ANO3: variants seen among roughly 807,000 people sequenced by gnomAD.
The protein encoded by ANO3 is anoctamin 3.
ANO3 carries 99 observed loss-of-function variants against 144.8 expected under a neutral mutation model. The ratio of observed to expected loss-of-function variants is 0.68; its 90% CI spans 0.58 to 0.81. The LOEUF is 0.81. Ranked by LOEUF, ANO3 falls within the 30% of genes least tolerant of loss-of-function variation. The probability of loss-of-function intolerance (pLI) is 0.00; values close to 1 mark genes in which losing one functional copy is unlikely to be tolerated. For missense variants in ANO3, 905 were observed against 1,202.2 expected, an observed-to-expected ratio of 0.75 and a Z score of 3.66; for synonymous variants, 414 against 392.6, an observed-to-expected ratio of 1.05 and a Z score of -0.64.
At chr11:26,595,506 G>A (rs559932912) in intron 14 of ANO3, among the ~76,000 whole-genome samples, 6 of 114,566 alleles carry the variant, frequency 5.2e-5, no homozygotes, top group Admixed American at 1.1e-4. Flanking sequence ...AGTACTTTAA[G>A]GCTTGGCTGA....
At chr11:26,249,697 A>G (rs1852882678) in intron 1 of ANO3, among the ~76,000 whole-genome samples, 1 of 152,120 alleles carries the variant, frequency 6.6e-6, no homozygotes, top group South Asian at 2.1e-4. Context: ...ATTAACATTA[A>G]ATAATCTTAA....
At chr11:26,495,127 C>T (rs1287836399) in intron 4 of ANO3, among the ~76,000 whole-genome samples, 1 of 138,552 alleles carries the variant, frequency 7.2e-6, no homozygotes, top group Non-Finnish European at 1.6e-5. Flanking sequence ...TTATTTGAGA[C>T]AGGGTCTTGC....
At chr11:26,353,255 G>A (rs753045201) in intron 1 of ANO3, among the ~76,000 whole-genome samples, 2 of 152,150 alleles carry the variant, frequency 1.3e-5, no homozygotes, top group Non-Finnish European at 2.9e-5. Context: ...TTGGTATGTT[G>A]ATGAGTGTAT....
intron 25 of ANO3, 45 bp from the exon 26 acceptor site, chr11:26,656,331 T>C (rs769698752): frequency 6.7e-7 from 1 of 1,499,522 alleles, no homozygotes; most frequent in South Asian, 1.1e-5. Context: ...GGGCCTCCAC[T>C]CTTTGATCTC....
chr11:26,508,538 A>G (rs1861524954), intron 5 of ANO3: 1 of 370,476 alleles, frequency 2.7e-6, no homozygotes, highest in Non-Finnish European at 4.8e-6. Context: ...GTCAAGTAGA[A>G]AACTTTATGA....
intron 8 of ANO3, among the ~76,000 whole-genome samples, chr11:26,531,943 A>G (rs1849382168): frequency 6.6e-6 from 1 of 152,220 alleles, no homozygotes; most frequent in Non-Finnish European, 1.5e-5. Context: ...CACAGTTTCT[A>G]TCTTCAAGGT....
chr11:26,551,667 C>G (rs1027401305), intron 12 of ANO3, among the ~76,000 whole-genome samples: 2 of 151,822 alleles, frequency 1.3e-5, no homozygotes, highest in Admixed American at 6.6e-5. Flanking sequence ...GATTCTAAAG[C>G]AGGACAAATT....
intron 1 of ANO3, among the ~76,000 whole-genome samples, chr11:26,278,745 C>T (rs988985291): frequency 3.3e-5 from 5 of 152,114 alleles, no homozygotes; most frequent in African/African-American, 1.2e-4. Flanking sequence ...TGTCTTTCCT[C>T]TATCACCTTC....
intron 14 of ANO3, among the ~76,000 whole-genome samples, chr11:26,594,141 T>C (rs572773878): frequency 2.7e-4 from 41 of 152,330 alleles, no homozygotes; most frequent in Middle Eastern, 3.4e-3. Flanking sequence ...GTGGACATCA[T>C]TGAATAATTC....
chr11:26,306,767 C>T (rs1306413365), upstream of ANO3, among the ~76,000 whole-genome samples: 8 of 152,230 alleles, frequency 5.3e-5, no homozygotes, highest in East Asian at 3.9e-4. Context: ...TTCTTCCCTG[C>T]ATTCCTAACT....
intron 1 of ANO3, among the ~76,000 whole-genome samples, chr11:26,432,836 A>T (rs1215821033): frequency 6.6e-6 from 1 of 152,180 alleles, no homozygotes; most frequent in East Asian, 1.9e-4. Flanking sequence ...GGGTAACATG[A>T]TGCCTCGAGG....
chr11:26,356,117 TTG>T (rs1410612281), intron 1 of ANO3, among the ~76,000 whole-genome samples: 1 of 152,172 alleles, frequency 6.6e-6, no homozygotes, highest in Non-Finnish European at 1.5e-5. Context: ...TTTCACCTAT[TTG>T]TCTTTTTTCT....
At chr11:26,527,629 T>C (rs946347346) in intron 7 of ANO3, among the ~76,000 whole-genome samples, 5 of 152,160 alleles carry the variant, frequency 3.3e-5, no homozygotes, top group African/African-American at 4.8e-5. Context: ...GGGAAAGGTA[T>C]TTTCCTCACA....
At chr11:26,482,107 A>G (rs1454759593) in intron 4 of ANO3, among the ~76,000 whole-genome samples, 1 of 151,868 alleles carries the variant, frequency 6.6e-6, no homozygotes, top group Non-Finnish European at 1.5e-5. Flanking sequence ...TATGTTGCCC[A>G]GTCTGGTCCC....
intron 11 of ANO3, among the ~76,000 whole-genome samples, chr11:26,542,732 T>G (rs1849677091): frequency 1.3e-5 from 2 of 152,156 alleles, no homozygotes; most frequent in Admixed American, 1.3e-4. Context: ...GAAATATTGT[T>G]GTATTCACGA....
At chr11:26,270,561 C>T (rs886248785) in intron 1 of ANO3, among the ~76,000 whole-genome samples, 8 of 152,184 alleles carry the variant, frequency 5.3e-5, no homozygotes, top group Non-Finnish European at 8.8e-5. Flanking sequence ...ATTTTCTTAA[C>T]ATTCTCACTC....
intron 17 of ANO3, among the ~76,000 whole-genome samples, chr11:26,605,665 G>A (rs997815241): frequency 1.3e-5 from 2 of 152,110 alleles, no homozygotes; most frequent in African/African-American, 4.8e-5. Flanking sequence ...TCTTGGGAGG[G>A]TGTATCTGTC....
At chr11:26,522,214 C>CAACA (rs750668871) in intron 6 of ANO3, among the ~76,000 whole-genome samples, 6 of 150,780 alleles carry the variant, frequency 4.0e-5, no homozygotes, top group African/African-American at 9.8e-5. Context: ...ACAACAACAA[C>CAACA]AAAAAAAAAA....
At chr11:26,414,377 T>C (rs976230265) in intron 1 of ANO3, among the ~76,000 whole-genome samples, 1 of 152,058 alleles carries the variant, frequency 6.6e-6, no homozygotes, top group East Asian at 1.9e-4. Context: ...AAAGAAAATG[T>C]GGTACATGTA....
Sources: gnomAD v4.1 joint callset for allele counts (sites outside exome capture counted in the v4.1 genomes callset) on GRCh38, gnomAD v4.1.1 for gene constraint, MANE v1.5 for transcripts, NCBI Gene and HGNC (gene_info 2026-07-23, HGNC 2026-07-21) for gene names.